Variants in RPS6KL1 observed in about 807,000 individuals in gnomAD.
RPS6KL1 encodes ribosomal protein S6 kinase-like 1.
In RPS6KL1, 41 loss-of-function variants were observed where a neutral mutation model predicts 57.0. The observed-to-expected ratio is 0.72, with a 90% confidence interval of 0.56 to 0.93. The LOEUF (loss-of-function observed/expected upper bound fraction) is 0.93. Ranked by LOEUF, RPS6KL1 falls within the 40% of genes least tolerant of loss-of-function variation. The pLI is 0.00. For missense variants in RPS6KL1, 697 were observed against 727.7 expected (o/e 0.96, Z 0.49); for synonymous variants, 287 against 309.7 (o/e 0.93, Z 0.77).
intron 1 of RPS6KL1, among the ~76,000 whole-genome samples, chr14:74,922,943 G>A (rs1888083729): frequency 6.6e-6 from 1 of 152,222 alleles, no homozygotes; most frequent in Non-Finnish European, 1.5e-5. Flanking sequence ...CCAAGCCCAG[G>A]GGAACTTGAG....
chr14:74,914,293 G>A (rs1015563655), intron 5 of RPS6KL1, among the ~76,000 whole-genome samples: 1 of 152,234 alleles, frequency 6.6e-6, no homozygotes, highest in Non-Finnish European at 1.5e-5. Context: ...TAGGAGAACA[G>A]AGTTTCCCAC....
intron 5 of RPS6KL1, among the ~76,000 whole-genome samples, chr14:74,912,757 A>G (rs1450665501): frequency 6.6e-6 from 1 of 152,228 alleles, no homozygotes; most frequent in Non-Finnish European, 1.5e-5. Flanking sequence ...AAAATTTAAA[A>G]TAAATAAGTA....
rs1884563645 is a variant in RPS6KL1 at position 74,905,151 on chromosome 14, A to C, written c.*1863T>G. ...GTCGACTGTAAGAGCTGGGACCCAC[A>C]GTATTCTAAACTCAGGGCCCAACAA... On this transcript the variant is annotated 3_prime_UTR_variant, in exon 12 of 12. Coordinates refer to ENST00000557413, the MANE Select transcript of RPS6KL1 (RefSeq NM_031464.5). The C allele has an allele frequency of 6.6e-6, 1 of 152,348 alleles. No homozygotes were observed. Among genetic ancestry groups the C allele is most frequent in the East Asian group, 1.9e-4 (1 of 5,184 alleles). 9.4% of individuals were successfully genotyped at this position (152,348 alleles called of 1,614,324 possible).
intron 11 of RPS6KL1, 128 bp from the exon 12 acceptor site, chr14:74,907,252 T>C: frequency 7.2e-7 from 1 of 1,386,094 alleles, no homozygotes; most frequent in East Asian, 2.4e-5. Flanking sequence ...GAACCCCCAT[T>C]TTACCCTGGG....
In RPS6KL1 at chr14:74,911,839, C is replaced by T. The variant is rs529607300; in HGVS notation, c.486G>A (p.Val162=). The change falls in exon 6 of 12, where the codon GTG becomes GTA. Residue 162 remains valine (V), a splice_region_variant and synonymous_variant. Coordinates refer to ENST00000557413, the MANE Select transcript of RPS6KL1 (RefSeq NM_031464.5). ...CGGTTGCCGGGTCCTGGACCAGCTG[C>T]ACCTGCCAAAGTCCAAGAGGCACTG... ...GCRVVGVIEK[V]QLVQDPATGG... is the part of the protein sequence containing the mutation. The T allele has an allele frequency of 1.2e-4, 185 of 1,552,618 alleles. No homozygotes were observed. Among genetic ancestry groups the T allele is most frequent in the Admixed American group, 2.9e-4 (15 of 51,226 alleles).
chr14:74,914,374 C>T (rs777448855), intron 5 of RPS6KL1, among the ~76,000 whole-genome samples: 1 of 152,198 alleles, frequency 6.6e-6, no homozygotes, highest in African/African-American at 2.4e-5. Context: ...TGGTCCTGGG[C>T]AAGGGCCTGT....
Position 74,909,133 on chromosome 14 carries a change from C to T in RPS6KL1, c.1328G>A (p.Gly443Glu). 1 of 1,614,208 alleles carries T rather than the reference C, an allele frequency of 6.2e-7. No individual in the cohort carries two copies. Among genetic ancestry groups the T allele is most frequent in the Middle Eastern group, 1.6e-4 (1 of 6,062 alleles). Residue 443 changes from glycine (G) to glutamate (E), a missense_variant, in exon 9 of 12, where the codon GGG (glycine) becomes GAG (glutamate). Gly to Glu is a moderately conservative substitution (Grantham distance 98, BLOSUM62 -2). Transcript: ENST00000557413. ...QWSEVEPQCC[G>E]EAVDNLYSAP... ...GCTGTAGAGATTGTCCACGGCCTCC[C>T]CGCAGCACTGGGGCTCCACCTCTGA...
intron 5 of RPS6KL1, among the ~76,000 whole-genome samples, chr14:74,913,344 G>C (rs1004551453): frequency 2.6e-5 from 4 of 152,144 alleles, no homozygotes; most frequent in Non-Finnish European, 5.9e-5. Flanking sequence ...ATCACCTGAG[G>C]TCAGGAGTTC....
At chr14:74,920,387 G>A (rs573851855) in intron 3 of RPS6KL1, among the ~76,000 whole-genome samples, 31 of 152,308 alleles carry the variant, frequency 2.0e-4, no homozygotes, top group African/African-American at 6.3e-4. Flanking sequence ...CCAGGATCGG[G>A]GGATAAAGGA....
intron 5 of RPS6KL1, among the ~76,000 whole-genome samples, chr14:74,917,549 T>C (rs1369931537): frequency 6.6e-6 from 1 of 152,224 alleles, no homozygotes; most frequent in Non-Finnish European, 1.5e-5. Flanking sequence ...TGGGTGACTA[T>C]TCCAGGGTTC....
In RPS6KL1 at chr14:74,906,203, G is replaced by A. The variant is rs939290990; in HGVS notation, c.*811C>T. The A allele has an allele frequency of 4.4e-5, 12 of 269,764 alleles. No individual in the cohort carries two copies. Among genetic ancestry groups the A allele is most frequent in the South Asian group, 3.5e-4 (9 of 25,688 alleles). The allele number at this position is 269,764 out of a possible 1,614,324, so 16.7% of individuals were successfully genotyped here. A position where few individuals can be genotyped will look rare whatever the true frequency, so the allele number is the denominator to read the frequency against. ...GCTTTGGCCTGGAAGCTGAATTGCT[G>A]TCCTCTTGCACCCCTGGGGCAGGCT... is the stretch of plus-strand genomic sequence containing the variant. On this transcript the variant is annotated 3_prime_UTR_variant, in exon 12 of 12. Transcript: ENST00000557413.
At chr14:74,911,685 T>C in intron 6 of RPS6KL1, 109 bp downstream of exon 6, 2 of 1,059,406 alleles carry the variant, frequency 1.9e-6, no homozygotes, top group South Asian at 1.4e-5. Context: ...CAACCAGCTT[T>C]TGTGGGAGGG....
chr14:74,912,437 A>G (rs1254948395), intron 5 of RPS6KL1, among the ~76,000 whole-genome samples: 1 of 151,900 alleles, frequency 6.6e-6, no homozygotes, highest in Non-Finnish European at 1.5e-5. Context: ...CCCTGTTCCA[A>G]CTGGACCTCC....
intron 8 of RPS6KL1, 111 bp downstream of exon 8, chr14:74,909,432 G>T: frequency 7.2e-7 from 1 of 1,393,568 alleles, no homozygotes; most frequent in Non-Finnish European, 9.6e-7. Context: ...AGGCTGGCTG[G>T]GGCCAGGGAG....
chr14:74,908,806 T>A lies in RPS6KL1; in HGVS notation c.1443+44A>T, dbSNP rs1487187378. On this transcript the variant is annotated intron_variant, in intron 10 of 11. Coordinates refer to ENST00000557413, the MANE Select transcript of RPS6KL1 (RefSeq NM_031464.5). ...GGACTAAGCCTGGCCCATCCCACAC[T>A]CAGTGGCACCCACCAGGGCACTACA... 1.9e-6 allele frequency: 3 copies of A among 1,557,008 alleles called. No homozygotes were observed. In the African/African-American group the frequency reaches 4.1e-5, roughly 21 times the overall value.
In RPS6KL1 at chr14:74,905,587, C is replaced by G. The variant is rs555700928; in HGVS notation, c.*1427G>C. ...TCACTCTGGAGCTTCTACAGGGGAGCCTTCCAACCTGCCCCAATGAGCCGT... is the reference window on the plus strand; with the variant it reads ...TCACTCTGGAGCTTCTACAGGGGAGGCTTCCAACCTGCCCCAATGAGCCGT... On this transcript the variant is annotated 3_prime_UTR_variant, in exon 12 of 12. Coordinates refer to ENST00000557413, the MANE Select transcript of RPS6KL1 (RefSeq NM_031464.5). 3.9e-5 allele frequency: 6 copies of G among 152,382 alleles called. No individual in the cohort carries two copies. The South Asian group carries it at 1.2e-3, about 32-fold the overall frequency. The allele number at this position is 152,382 out of a possible 1,614,324, so 9.4% of individuals were successfully genotyped here. A position where few individuals can be genotyped will look rare whatever the true frequency, so the allele number is the denominator to read the frequency against.
intron 4 of RPS6KL1, among the ~76,000 whole-genome samples, chr14:74,919,242 G>T (rs565637076): frequency 6.6e-6 from 1 of 152,336 alleles, no homozygotes; most frequent in African/African-American, 2.4e-5. Flanking sequence ...CTCAGGGAAC[G>T]TGCCTTGAAG....
At chr14:74,921,238 T>TGGCCCCCCCCCCCCCCCCCCCCCC in intron 3 of RPS6KL1, 39 bp downstream of exon 3, 2 of 840,140 alleles carry the variant, frequency 2.4e-6, no homozygotes, top group Non-Finnish European at 4.1e-6. Flanking sequence ...CACTGGCCCT[T>TGGCCCCCCCCCCCCCCCCCCCCCC]CCCCACCCAC....
intron 5 of RPS6KL1, among the ~76,000 whole-genome samples, chr14:74,914,962 T>C (rs1271458558): frequency 6.6e-6 from 1 of 152,272 alleles, no homozygotes; most frequent in Non-Finnish European, 1.5e-5. Flanking sequence ...TCCACCCACC[T>C]TGGCTCCCCA....
Sources: gnomAD v4.1 joint callset for allele counts (sites outside exome capture counted in the v4.1 genomes callset) on GRCh38, gnomAD v4.1.1 for gene constraint, MANE v1.5 for transcripts, NCBI Gene and HGNC (gene_info 2026-07-23, HGNC 2026-07-21) for gene names.